Variants in PTPRT observed in about 807,000 individuals in gnomAD.
PTPRT encodes protein tyrosine phosphatase receptor type T.
A neutral mutation model predicts 176.8 loss-of-function variants in PTPRT; 56 were observed. That is an observed-to-expected ratio of 0.32 (90% CI 0.26 to 0.40). PTPRT has a LOEUF of 0.40. Among genes scored for constraint, PTPRT ranks in the 10% least tolerant of loss-of-function variants. The pLI is 1.00. For missense variants in PTPRT, 1,540 were observed against 1,908.2 expected (o/e 0.81, Z 3.60); for synonymous variants, 783 against 739.0 (o/e 1.06, Z -0.96).
intron 6 of PTPRT, among the ~76,000 whole-genome samples, chr20:42,735,942 T>C (rs913093375): frequency 6.6e-6 from 1 of 152,148 alleles, no homozygotes; most frequent in Non-Finnish European, 1.5e-5. Flanking sequence ...AAGTCTCTGA[T>C]TCCTCACCTA....
At chr20:42,110,097 A>C (rs1367834600) in intron 23 of PTPRT, among the ~76,000 whole-genome samples, 5 of 145,092 alleles carry the variant, frequency 3.4e-5, no homozygotes, top group African/African-American at 1.3e-4. Flanking sequence ...CCCAGGCTGG[A>C]GTGCAGTGGC....
At chr20:42,179,920 A>G (rs780902451) in intron 16 of PTPRT, among the ~76,000 whole-genome samples, 11 of 152,226 alleles carry the variant, frequency 7.2e-5, no homozygotes, top group South Asian at 4.1e-4. Flanking sequence ...GCAATGGGCA[A>G]GAAGATGCAG....
intron 1 of PTPRT, among the ~76,000 whole-genome samples, chr20:42,980,957 C>T (rs1983239572): frequency 6.6e-6 from 1 of 152,154 alleles, no homozygotes; most frequent in Non-Finnish European, 1.5e-5. Flanking sequence ...AGAGTGGGAG[C>T]CCAACTTCAG....
chr20:43,138,880 C>T (rs74703117), intron 1 of PTPRT, among the ~76,000 whole-genome samples: 2,698 of 152,328 alleles, frequency 0.018, 74 homozygotes, highest in African/African-American at 0.061. Context: ...GCCTCTGTCA[C>T]ACTCAGTCCT....
chr20:42,991,124 T>C (rs887132080), intron 1 of PTPRT, among the ~76,000 whole-genome samples: 4 of 152,064 alleles, frequency 2.6e-5, no homozygotes, highest in South Asian at 2.1e-4. Flanking sequence ...TGAGGGAAGC[T>C]GAAAACAGTA....
intron 7 of PTPRT, among the ~76,000 whole-genome samples, chr20:42,633,805 ATATATATATATAT>A (rs1569037142): frequency 5.2e-5 from 4 of 76,622 alleles, no homozygotes; most frequent in African/African-American, 2.5e-4. Flanking sequence ...ATATATATAT[ATATATATATATAT>A]AATAAAATAT....
chr20:43,167,951 T>A (rs1490850859), intron 1 of PTPRT, among the ~76,000 whole-genome samples: 1 of 152,240 alleles, frequency 6.6e-6, no homozygotes, highest in East Asian at 1.9e-4. Context: ...AGTTAAGCTG[T>A]GCTCAGAGAC....
intron 1 of PTPRT, among the ~76,000 whole-genome samples, chr20:43,166,641 C>T (rs745629656): frequency 2.0e-5 from 3 of 152,078 alleles, no homozygotes; most frequent in Non-Finnish European, 4.4e-5. Flanking sequence ...CCATGAGTAC[C>T]GGCATTTTCA....
the PTPRT span, among the ~76,000 whole-genome samples, chr20:42,045,289 T>C: frequency 4.6e-5 from 7 of 151,860 alleles, no homozygotes; most frequent in African/African-American, 1.7e-4. Context: ...ACCATCACAG[T>C]GATTGCAAGA....
chr20:42,945,091 T>C (rs1980796461), intron 1 of PTPRT, among the ~76,000 whole-genome samples: 1 of 148,608 alleles, frequency 6.7e-6, no homozygotes, highest in Non-Finnish European at 1.5e-5. Flanking sequence ...ATATGTAATA[T>C]TTATATAAAA....
intron 13 of PTPRT, among the ~76,000 whole-genome samples, chr20:42,281,973 G>T (rs2057146548): frequency 6.6e-6 from 1 of 152,148 alleles, no homozygotes; most frequent in Non-Finnish European, 1.5e-5. Flanking sequence ...GAACAATGCT[G>T]CCTTAGTTTT....
At position 42,515,357 on chromosome 20, in the gene PTPRT, C is replaced by A. The variant is rs62205775; in HGVS notation, c.1154-42795G>T. Among the ~76,000 whole-genome samples, 1,196 of 152,118 alleles carry A rather than the reference C, an allele frequency of 7.9e-3. 11 individuals are homozygous for A. The highest frequency in any genetic ancestry group is 0.014 in the Middle Eastern group (4 of 294). On this transcript the variant is annotated intron_variant, in intron 7 of 30. Transcript: ENST00000373187. ...AATTAGTCAGGTGTGGTGGCATGTG[C>A]CCGTAATCCCAGTTACTCGGGAGGC...
intron 15 of PTPRT, among the ~76,000 whole-genome samples, chr20:42,227,356 G>A (rs963716327): frequency 2.0e-5 from 3 of 152,122 alleles, no homozygotes; most frequent in Non-Finnish European, 4.4e-5. Context: ...GTGAGTAGAT[G>A]ACTTTGAGTG....
intron 1 of PTPRT, among the ~76,000 whole-genome samples, chr20:43,166,260 G>A (rs891728909): frequency 5.3e-5 from 8 of 150,908 alleles, no homozygotes; most frequent in Admixed American, 4.6e-4. Context: ...CCAGGAGGCA[G>A]AAGTTGCAGT....
At chr20:42,781,199 T>C (rs1466096505) in intron 3 of PTPRT, among the ~76,000 whole-genome samples, 1 of 152,124 alleles carries the variant, frequency 6.6e-6, no homozygotes, top group Admixed American at 6.5e-5. Flanking sequence ...CAGGCTACCA[T>C]GTGAGCTCCT....
intron 1 of PTPRT, among the ~76,000 whole-genome samples, chr20:43,054,568 GAA>G (rs539616628): frequency 1.5e-4 from 18 of 119,636 alleles, no homozygotes; most frequent in South Asian, 3.0e-4. Context: ...AAAAGAAGGG[GAA>G]AAAAAAAAAA....
At chr20:42,442,185 C>G (rs187683710) in intron 9 of PTPRT, among the ~76,000 whole-genome samples, 77 of 152,264 alleles carry the variant, frequency 5.1e-4, no homozygotes, top group African/African-American at 1.9e-3. Context: ...CCCAGCTGGT[C>G]CCCTCTCTCC....
chr20:42,693,354 T>A (rs1225258803), intron 6 of PTPRT, among the ~76,000 whole-genome samples: 1 of 152,176 alleles, frequency 6.6e-6, no homozygotes, highest in African/African-American at 2.4e-5. Context: ...TTTGACAAAC[T>A]TATTCTGAAG....
intron 7 of PTPRT, among the ~76,000 whole-genome samples, chr20:42,502,482 T>C (rs923353336): frequency 3.0e-4 from 45 of 151,822 alleles, no homozygotes; most frequent in Admixed American, 2.8e-3. Flanking sequence ...TATTGGAATA[T>C]ATTTTGCACG....
Sources: gnomAD v4.1 joint callset for allele counts (sites outside exome capture counted in the v4.1 genomes callset) on GRCh38, gnomAD v4.1.1 for gene constraint, MANE v1.5 for transcripts, NCBI Gene and HGNC (gene_info 2026-07-23, HGNC 2026-07-21) for gene names.